The following SUMF1 variants were observed in gnomAD, a reference collection of about 807,000 sequenced individuals.
SUMF1 encodes the protein sulfatase modifying factor 1.
A neutral mutation model predicts 47.6 loss-of-function variants in SUMF1; 48 were observed. The observed-to-expected ratio is 1.01, with a 90% CI of 0.80 to 1.28. The LOEUF (loss-of-function observed/expected upper bound fraction) is 1.28, where lower values mean the gene tolerates loss of function less well. Ranked by LOEUF, SUMF1 falls within the 50% of genes most tolerant of loss-of-function variation. SUMF1 has a pLI of 0.00. For missense variants in SUMF1, 571 were observed against 485.4 expected (o/e 1.18, Z -1.66); for synonymous variants, 230 against 192.1 (o/e 1.20, Z -1.63).
intron 8 of SUMF1, among the ~76,000 whole-genome samples, chr3:4,326,506 G>C (rs1458961405): frequency 1.4e-5 from 2 of 138,866 alleles, no homozygotes; most frequent in African/African-American, 5.9e-5. Flanking sequence ...AATGTACAAG[G>C]CCAGTTTTTC....
At chr3:4,313,369 G>T in intron 8 of SUMF1, 1 of 1,613,932 alleles carries the variant, frequency 6.2e-7, no homozygotes, top group Non-Finnish European at 8.5e-7. Context: ...GGAAACATTT[G>T]TTGACCCTAC....
At chr3:4,351,986 G>A (rs1304148784) in intron 8 of SUMF1, among the ~76,000 whole-genome samples, 2 of 152,156 alleles carry the variant, frequency 1.3e-5, no homozygotes, top group Non-Finnish European at 2.9e-5. Context: ...GTAAGTGGTA[G>A]GAGAAGAATT....
intron 6 of SUMF1, 117 bp from the exon 7 acceptor site, chr3:4,411,095 C>A: frequency 1.1e-6 from 1 of 901,214 alleles, no homozygotes; most frequent in Non-Finnish European, 1.8e-6. Context: ...GGTTTTATTC[C>A]AACAGTCAAA....
intron 8 of SUMF1, among the ~76,000 whole-genome samples, chr3:4,192,851 T>G (rs1695349951): frequency 6.6e-6 from 1 of 152,104 alleles, no homozygotes; most frequent in African/African-American, 2.4e-5. Flanking sequence ...AAGGCTCAGG[T>G]AAGCTTCATG....
At chr3:4,424,877 A>G (rs779357143) in intron 3 of SUMF1, among the ~76,000 whole-genome samples, 27 of 152,192 alleles carry the variant, frequency 1.8e-4, no homozygotes, top group Non-Finnish European at 3.7e-4. Flanking sequence ...GTATGTCACT[A>G]TCACAGGTTT....
At chr3:4,240,615 C>T (rs183099084) in intron 8 of SUMF1, among the ~76,000 whole-genome samples, 227 of 152,120 alleles carry the variant, frequency 1.5e-3, no homozygotes, top group Admixed American at 4.5e-3. Context: ...ATTCATCCAA[C>T]ACTATTTATG....
At chr3:4,370,076 C>A in intron 8 of SUMF1, among the ~76,000 whole-genome samples, 1 of 152,148 alleles carries the variant, frequency 6.6e-6, no homozygotes, top group African/African-American at 2.4e-5. Context: ...CAGGAGCAGT[C>A]ACCTCTGCAG....
At chr3:4,400,183 G>T (rs1396332725) in intron 7 of SUMF1, among the ~76,000 whole-genome samples, 1 of 152,184 alleles carries the variant, frequency 6.6e-6, no homozygotes, top group African/African-American at 2.4e-5. Context: ...AAGCTGCTCA[G>T]ACATGGCCTG....
chr3:4,385,455 A>T (rs551108705), intron 7 of SUMF1, among the ~76,000 whole-genome samples: 1 of 152,140 alleles, frequency 6.6e-6, no homozygotes, highest in South Asian at 2.1e-4. Flanking sequence ...TGTCTTCTGC[A>T]CGTGTTCTAA....
chr3:4,355,429 T>G (rs933293349), intron 8 of SUMF1, among the ~76,000 whole-genome samples: 1 of 152,170 alleles, frequency 6.6e-6, no homozygotes, highest in East Asian at 1.9e-4. Flanking sequence ...TAAAGGTAAA[T>G]AAATAAAATC....
At chr3:4,404,689 A>T (rs1701320988) in intron 7 of SUMF1, among the ~76,000 whole-genome samples, 1 of 152,190 alleles carries the variant, frequency 6.6e-6, no homozygotes, top group Non-Finnish European at 1.5e-5. Context: ...GCTTGAACCC[A>T]GGAGGTGGAG....
At chr3:4,074,405 C>T (rs542784632) in intron 8 of SUMF1, among the ~76,000 whole-genome samples, 54 of 152,128 alleles carry the variant, frequency 3.5e-4, no homozygotes, top group Non-Finnish European at 6.3e-4. Flanking sequence ...CTAAAATCAA[C>T]ACCATAACAT....
intron 8 of SUMF1, among the ~76,000 whole-genome samples, chr3:4,076,431 T>A (rs1692433647): frequency 6.6e-6 from 1 of 152,104 alleles, no homozygotes; most frequent in African/African-American, 2.4e-5. Flanking sequence ...GACATAGGCA[T>A]GGGCAAAGAC....
intron 8 of SUMF1, chr3:4,313,137 G>A: frequency 2.0e-5 from 33 of 1,614,016 alleles, no homozygotes; most frequent in Non-Finnish European, 2.8e-5. Flanking sequence ...GAAACAGAGT[G>A]GTCCAGAAAG....
chr3:4,290,158 C>T (rs189809588), intron 8 of SUMF1, among the ~76,000 whole-genome samples: 1 of 152,328 alleles, frequency 6.6e-6, no homozygotes, highest in African/African-American at 2.4e-5. Flanking sequence ...AAATAAAACA[C>T]ATTCCCAAGT....
chr3:4,306,029 C>T (rs1288673407), intron 8 of SUMF1, among the ~76,000 whole-genome samples: 1 of 151,960 alleles, frequency 6.6e-6, no homozygotes, highest in Admixed American at 6.6e-5. Context: ...TTATTGAGAG[C>T]TAAATATATG....
At chr3:4,057,210 A>G (rs1695208353) in intron 9 of SUMF1, among the ~76,000 whole-genome samples, 1 of 152,154 alleles carries the variant, frequency 6.6e-6, no homozygotes, top group Non-Finnish European at 1.5e-5. Flanking sequence ...AAGGGAATTA[A>G]AAGCTGTCAC....
In SUMF1 at chr3:4,243,882, T is replaced by C. The variant is rs116756689; in HGVS notation, c.1014+132448A>G. Among the ~76,000 whole-genome samples, 1,368 of 152,036 alleles carry C rather than the reference T, an allele frequency of 9.0e-3. 24 individuals carry two copies. Among genetic ancestry groups the C allele is most frequent in the African/African-American group, 0.031 (1,306 of 41,534 alleles). On this transcript the variant is annotated intron_variant and NMD_transcript_variant, in intron 8 of 12. Transcript: ENST00000448413. ...GGAGTGTTACAGTCTCCGGTTATTA[T>C]GTAGGAATCTAAGTCTCTTTGTAGG...
chr3:4,429,209 A>T (rs711656), intron 3 of SUMF1, among the ~76,000 whole-genome samples: 35,075 of 152,216 alleles, frequency 0.23, 5,029 homozygotes, highest in Non-Finnish European at 0.32. Flanking sequence ...AATCATTTAC[A>T]AAAATCCTCA....
Sources: gnomAD v4.1 joint callset for allele counts (sites outside exome capture counted in the v4.1 genomes callset) on GRCh38, gnomAD v4.1.1 for gene constraint, MANE v1.5 for transcripts, NCBI Gene and HGNC (gene_info 2026-07-23, HGNC 2026-07-21) for gene names.